The following MYO16 variants were observed in gnomAD, a reference collection of about 807,000 sequenced individuals.
The protein encoded by MYO16 is unconventional myosin-XVI.
Under a neutral mutation model 205.3 loss-of-function variants are expected in MYO16, and 94 were observed. The ratio of observed to expected loss-of-function variants is 0.46; its 90% confidence interval spans 0.39 to 0.54. The LOEUF is 0.54. Among genes scored for constraint, MYO16 ranks in the 20% least tolerant of loss-of-function variants. The pLI is 0.00. For missense variants in MYO16, 2,315 were observed against 2,387.5 expected (o/e 0.97, Z 0.63); for synonymous variants, 988 against 954.0 (o/e 1.04, Z -0.66).
chr13:108,890,026 GGCTCAAGTGATCC>G (rs1268640796), intron 14 of MYO16, among the ~76,000 whole-genome samples: 2 of 151,830 alleles, frequency 1.3e-5, no homozygotes, highest in African/African-American at 4.8e-5. Flanking sequence ...CAACTTCCTG[GGCTCAAGTGATCC>G]TCCCACCTCA....
chr13:109,125,441 G>A lies in MYO16; in HGVS notation c.3782+83G>A. The A allele has an allele frequency of 4.5e-6, 7 of 1,539,238 alleles. No individual in the cohort carries two copies. The highest frequency in any genetic ancestry group is 6.2e-6 in the Non-Finnish European group (7 of 1,131,688). On this transcript the variant is annotated intron_variant, in intron 30 of 34. Coordinates refer to ENST00000457511, the MANE Select transcript of MYO16 (RefSeq NM_001198950.3). This position sits in a 1 kb window ranked among gnomAD's most constrained non-coding sequence, Gnocchi z 4.0. ...GAAAATTCAAATAGCCCTTAATGCA[G>A]AGTTCAATCAAATATGACAGGAGTT...
the MYO16 span, among the ~76,000 whole-genome samples, chr13:108,559,364 G>A: frequency 1.3e-5 from 2 of 151,944 alleles, no homozygotes; most frequent in South Asian, 4.1e-4. Context: ...GGCATGCCCT[G>A]CCAACACCTT....
At chr13:108,927,334 A>G (rs1188644138) in intron 16 of MYO16, among the ~76,000 whole-genome samples, 1 of 152,046 alleles carries the variant, frequency 6.6e-6, no homozygotes, top group Non-Finnish European at 1.5e-5. Flanking sequence ...TAAATGAGTG[A>G]TTTTTCAACA....
At chr13:108,655,305 A>G (rs1881193432) in intron 1 of MYO16, among the ~76,000 whole-genome samples, 3 of 152,228 alleles carry the variant, frequency 2.0e-5, no homozygotes, top group Non-Finnish European at 4.4e-5. Flanking sequence ...GCCAAGGTCC[A>G]GCTGGGCCCA....
intron 20 of MYO16, among the ~76,000 whole-genome samples, chr13:108,970,054 T>G (rs929144348): frequency 6.6e-6 from 1 of 152,184 alleles, no homozygotes; most frequent in Non-Finnish European, 1.5e-5. Context: ...TTGCAAACCT[T>G]TGAACCAGAT....
At chr13:108,533,724 C>T in the MYO16 span, among the ~76,000 whole-genome samples, 1 of 152,054 alleles carries the variant, frequency 6.6e-6, no homozygotes, top group Admixed American at 6.6e-5. Flanking sequence ...TGTATTTAGT[C>T]AGGAAAAAAT....
At chr13:109,129,088 T>TA (rs1876409563) in intron 31 of MYO16, among the ~76,000 whole-genome samples, 1 of 151,056 alleles carries the variant, frequency 6.6e-6, no homozygotes, top group African/African-American at 2.4e-5. Context: ...TTTTTTTTTT[T>TA]AGCATTTTTT....
At chr13:109,092,934 C>T (rs1888665949) in intron 27 of MYO16, among the ~76,000 whole-genome samples, 1 of 152,206 alleles carries the variant, frequency 6.6e-6, no homozygotes, top group Non-Finnish European at 1.5e-5. Flanking sequence ...CAATTTCAGC[C>T]TGTTCTTTTA....
At chr13:108,554,563 G>C in the MYO16 span, among the ~76,000 whole-genome samples, 8 of 152,026 alleles carry the variant, frequency 5.3e-5, no homozygotes, top group Admixed American at 2.0e-4. Flanking sequence ...AAAACCATCT[G>C]TCTCAGCCGG....
Position 108,844,449 on chromosome 13 carries a change from A to G in MYO16, c.1204A>G (p.Ile402Val). The G allele has an allele frequency of 6.2e-7, 1 of 1,612,582 alleles. No homozygotes were observed. ...GTGTAAGCAGCAGTCTCAGGACAGC[A>G]TCCCTGAAAACCCCATGATGAGCGG... ...GLCKQQSQDS[I>V]PENPMMSGST... Residue 402 changes from isoleucine to valine, a missense_variant, in exon 10 of 35, where the codon ATC becomes GTC. Coordinates refer to ENST00000457511, the MANE Select transcript of MYO16 (RefSeq NM_001198950.3).
At chr13:109,000,962 T>C (rs1394505446) in intron 21 of MYO16, among the ~76,000 whole-genome samples, 1 of 151,946 alleles carries the variant, frequency 6.6e-6, no homozygotes, top group East Asian at 1.9e-4. Flanking sequence ...CCCATCAAAA[T>C]ACTAGATTTT....
chr13:109,126,878 C>T (rs1313507660), intron 30 of MYO16, among the ~76,000 whole-genome samples: 1 of 152,168 alleles, frequency 6.6e-6, no homozygotes, highest in Non-Finnish European at 1.5e-5. Context: ...GCATCAGTAA[C>T]TCTCTATTAA....
In MYO16 at chr13:108,629,682, A is replaced by C; in HGVS notation, c.-163A>C. On this transcript the variant is annotated 5_prime_UTR_variant, in exon 1 of 35. Transcript: ENST00000457511. ...CAGCTGCCGAATGAGAATGAGTTTG[A>C]AGCTTTTTGCAGGATCATGGAACAG... 1 of 610,850 alleles carries C rather than the reference A, an allele frequency of 1.6e-6. No individual in the cohort carries two copies. Among genetic ancestry groups the C allele is most frequent in the Non-Finnish European group, 2.8e-6 (1 of 360,760 alleles). 37.8% of individuals were successfully genotyped at this position (610,850 alleles called of 1,614,324 possible).
intron 1 of MYO16, among the ~76,000 whole-genome samples, chr13:108,598,635 T>C (rs910747640): frequency 5.9e-5 from 9 of 152,178 alleles, no homozygotes; most frequent in Non-Finnish European, 1.2e-4. Flanking sequence ...GTTTCAATGG[T>C]GAAATAGGCA....
At chr13:108,799,506 G>A (rs1886905339) in intron 6 of MYO16, among the ~76,000 whole-genome samples, 1 of 152,182 alleles carries the variant, frequency 6.6e-6, no homozygotes, top group African/African-American at 2.4e-5. Flanking sequence ...GGTATTTGCT[G>A]CAACCGAACA....
At chr13:109,075,805 G>A (rs1429286173) in intron 27 of MYO16, among the ~76,000 whole-genome samples, 1 of 152,176 alleles carries the variant, frequency 6.6e-6, no homozygotes. Context: ...AGACACATGT[G>A]TATTGGATAT....
chr13:108,600,483 T>C (rs373433298), intron 1 of MYO16, among the ~76,000 whole-genome samples: 11 of 152,326 alleles, frequency 7.2e-5, no homozygotes, highest in East Asian at 1.9e-4. Flanking sequence ...ACGCTGCTAC[T>C]GTTGACCGTT....
chr13:108,984,398 C>G (rs996266841), intron 20 of MYO16, among the ~76,000 whole-genome samples: 4 of 152,196 alleles, frequency 2.6e-5, no homozygotes, highest in Non-Finnish European at 4.4e-5. Context: ...TCCTGCCTTT[C>G]CTGCAGTCAC....
chr13:108,565,424 T>G, the MYO16 span, among the ~76,000 whole-genome samples: 1 of 152,204 alleles, frequency 6.6e-6, no homozygotes, highest in Non-Finnish European at 1.5e-5. Flanking sequence ...GGATATTTAA[T>G]TATATTTGTG....
Sources: gnomAD v4.1 joint callset for allele counts (sites outside exome capture counted in the v4.1 genomes callset) on GRCh38, gnomAD v4.1.1 for gene constraint, Gnocchi (gnomAD v3.1) non-coding constraint, MANE v1.5 for transcripts, NCBI Gene and HGNC (gene_info 2026-07-23, HGNC 2026-07-21) for gene names.